STUM: variants seen among roughly 807,000 people sequenced by gnomAD.
STUM encodes protein stum homolog.
A neutral mutation model predicts 15.3 loss-of-function variants in STUM; 8 were observed. The observed-to-expected ratio is 0.52, with a 90% CI of 0.31 to 0.94. The LOEUF (loss-of-function observed/expected upper bound fraction) is 0.94, where lower values mean the gene tolerates loss of function less well. STUM is among the 40% of genes least tolerant of loss of function. The probability of loss-of-function intolerance (pLI) is 0.05; values close to 1 mark genes in which losing one functional copy is unlikely to be tolerated. For synonymous variants in STUM, 78 were observed against 88.7 expected, an observed-to-expected ratio of 0.88 and a Z score of 0.68; for missense variants, 142 against 204.9, an observed-to-expected ratio of 0.69 and a Z score of 1.87.
intron 1 of STUM, among the ~76,000 whole-genome samples, chr1:226,584,159 A>T (rs1667961863): frequency 6.6e-6 from 1 of 152,218 alleles, no homozygotes; most frequent in Non-Finnish European, 1.5e-5. Context: ...GACTGGAATC[A>T]TCTGGAGGCA....
chr1:226,579,671 C>T (rs1207326830), intron 1 of STUM, among the ~76,000 whole-genome samples: 1 of 150,734 alleles, frequency 6.6e-6, no homozygotes, highest in Non-Finnish European at 1.5e-5. Context: ...CTTTTTCGCC[C>T]AGGCTGGTGT....
At chr1:226,582,054 C>T (rs1008940003) in intron 1 of STUM, among the ~76,000 whole-genome samples, 4 of 152,224 alleles carry the variant, frequency 2.6e-5, no homozygotes, top group African/African-American at 9.7e-5. Flanking sequence ...AGTCACCCTG[C>T]AGCCATGCTG....
At chr1:226,577,557 G>A (rs1418666411) in intron 1 of STUM, among the ~76,000 whole-genome samples, 1 of 152,168 alleles carries the variant, frequency 6.6e-6, no homozygotes, top group Non-Finnish European at 1.5e-5. Context: ...GTGCACGCAT[G>A]CACGCCAGGG....
intron 2 of STUM, among the ~76,000 whole-genome samples, chr1:226,599,705 T>C (rs1362848950): frequency 1.3e-5 from 2 of 152,260 alleles, no homozygotes; most frequent in Non-Finnish European, 2.9e-5. Context: ...GCTTGATTTA[T>C]ATGAATAACA....
intron 1 of STUM, among the ~76,000 whole-genome samples, chr1:226,587,558 C>A (rs1375748120): frequency 6.6e-6 from 1 of 152,124 alleles, no homozygotes; most frequent in Non-Finnish European, 1.5e-5. Context: ...ACCTCACAAT[C>A]CCAACGCATT....
chr1:226,587,897 C>T (rs1668022162), intron 1 of STUM, among the ~76,000 whole-genome samples: 1 of 152,154 alleles, frequency 6.6e-6, no homozygotes, highest in East Asian at 1.9e-4. Flanking sequence ...CCCTTAGTTA[C>T]TGCATTGTGA....
intron 1 of STUM, among the ~76,000 whole-genome samples, chr1:226,561,376 A>C (rs1029173327): frequency 6.6e-6 from 1 of 152,194 alleles, no homozygotes; most frequent in Non-Finnish European, 1.5e-5. Flanking sequence ...CCCAGGAGAC[A>C]CAGGCTTTCC....
At chr1:226,559,015 T>A (rs930296857) in intron 1 of STUM, among the ~76,000 whole-genome samples, 2 of 152,344 alleles carry the variant, frequency 1.3e-5, no homozygotes, top group South Asian at 4.1e-4. Context: ...CATATTTTCC[T>A]AATCAAAAGG....
intron 1 of STUM, among the ~76,000 whole-genome samples, chr1:226,550,809 T>C (rs1472258574): frequency 6.6e-6 from 1 of 152,174 alleles, no homozygotes; most frequent in Non-Finnish European, 1.5e-5. Flanking sequence ...TTCCCAGCCT[T>C]AGCCCTGCTG....
intron 1 of STUM, among the ~76,000 whole-genome samples, chr1:226,574,951 G>A (rs915083307): frequency 6.6e-6 from 1 of 152,174 alleles, no homozygotes; most frequent in African/African-American, 2.4e-5. Context: ...GGTGTGGACC[G>A]CGGTCAGTTC....
intron 1 of STUM, among the ~76,000 whole-genome samples, chr1:226,594,177 T>C (rs543504545): frequency 6.6e-6 from 1 of 151,370 alleles, no homozygotes; most frequent in South Asian, 2.1e-4. Flanking sequence ...AAGGTGTGGG[T>C]GAGAGCAAAG....
In STUM at chr1:226,552,429, A is replaced by G. The variant is rs1477897683; in HGVS notation, c.202+3323A>G. ...ACAATTAGGGTGTTTATAAGTATAT[A>G]CACGATTATTCATACCTGTAATGAA... On this transcript the variant is annotated intron_variant, in intron 1 of 3. Coordinates refer to ENST00000366788, the MANE Select transcript of STUM (RefSeq NM_001003665.4). This position sits in a 1 kb window ranked among gnomAD's most constrained non-coding sequence, Gnocchi z 4.7. Among the ~76,000 whole-genome samples, 1 of 152,210 alleles carries G rather than the reference A, an allele frequency of 6.6e-6. No homozygotes were observed. The highest frequency in any genetic ancestry group is 1.5e-5 in the Non-Finnish European group (1 of 68,040).
At chr1:226,593,127 A>C (rs1159459347) in intron 1 of STUM, among the ~76,000 whole-genome samples, 1 of 147,464 alleles carries the variant, frequency 6.8e-6, no homozygotes, top group Admixed American at 7.0e-5. Flanking sequence ...TGGAGGTTGC[A>C]GTGAGCTGAG....
At chr1:226,576,738 C>G (rs76201922) in intron 1 of STUM, among the ~76,000 whole-genome samples, 5,131 of 152,280 alleles carry the variant, frequency 0.034, 96 homozygotes, top group South Asian at 0.064. Context: ...CCCACTCCCC[C>G]CTCCCAGGCC....
intron 1 of STUM, among the ~76,000 whole-genome samples, chr1:226,556,500 C>T (rs1470182550): frequency 6.6e-6 from 1 of 152,156 alleles, no homozygotes; most frequent in Non-Finnish European, 1.5e-5. Context: ...ACTTGGCCAT[C>T]GGGGAGATGA....
intron 1 of STUM, among the ~76,000 whole-genome samples, chr1:226,575,028 C>G (rs1419130211): frequency 6.6e-6 from 1 of 152,158 alleles, no homozygotes; most frequent in Non-Finnish European, 1.5e-5. Context: ...TCCCAGAACT[C>G]TGCATATGTG....
intron 1 of STUM, among the ~76,000 whole-genome samples, chr1:226,563,547 C>CAGTG (rs982476346): frequency 3.3e-5 from 5 of 152,274 alleles, no homozygotes; most frequent in Admixed American, 6.5e-5. Flanking sequence ...CAATTCCCTT[C>CAGTG]AGTGGCCCAT....
At chr1:226,589,274 G>GC (rs1668047463) in intron 1 of STUM, among the ~76,000 whole-genome samples, 1 of 152,094 alleles carries the variant, frequency 6.6e-6, no homozygotes, top group Non-Finnish European at 1.5e-5. Flanking sequence ...GAGCAGAGCC[G>GC]CCCCCTTCCT....
At chr1:226,584,295 A>G (rs1204578407) in intron 1 of STUM, among the ~76,000 whole-genome samples, 2 of 152,188 alleles carry the variant, frequency 1.3e-5, no homozygotes, top group African/African-American at 4.8e-5. Flanking sequence ...GGACTTTTTT[A>G]TAGCGTGGTG....
Sources: allele counts gnomAD v4.1 joint callset (sites outside exome capture counted in the v4.1 genomes callset), GRCh38; gene constraint gnomAD v4.1.1; non-coding constraint Gnocchi (gnomAD v3.1); transcripts MANE v1.5; gene names NCBI Gene and HGNC (gene_info 2026-07-23, HGNC 2026-07-21).